The following CTDNEP1 variants were observed in gnomAD, a reference collection of about 807,000 sequenced individuals.
The protein encoded by CTDNEP1 is CTD nuclear envelope phosphatase 1, also known as C-terminal domain nuclear envelope phosphatase 1.
A neutral mutation model predicts 30.1 loss-of-function variants in CTDNEP1; 3 were observed. That is an observed-to-expected ratio of 0.10 (90% CI 0.05 to 0.26). The LOEUF is 0.26. CTDNEP1 is among the 10% of genes least tolerant of loss of function. The pLI is 1.00. For missense variants in CTDNEP1, 158 were observed against 310.4 expected, an observed-to-expected ratio of 0.51 and a Z score of 3.69; for synonymous variants, 123 against 118.8, an observed-to-expected ratio of 1.04 and a Z score of -0.23.
rs553385371 is a variant in CTDNEP1, at chr17:7,246,598, C to T, written c.360+193G>A. ...CAAGAACAAAAGAGAAAGATGCCAG[C>T]GGAAAAGAATTACATCAGCACAACA... On this transcript the variant is annotated intron_variant, in intron 4 of 7. Transcript: ENST00000574322. This position sits in a 1 kb window ranked among gnomAD's most constrained non-coding sequence, Gnocchi z 4.9. 31 of 665,706 alleles carry T rather than the reference C, an allele frequency of 4.7e-5. No individual in the cohort carries two copies. The highest frequency in any genetic ancestry group is 4.5e-4 in the East Asian group (18 of 39,874). 41.2% of individuals were successfully genotyped at this position (665,706 alleles called of 1,614,324 possible).
intron 1 of CTDNEP1, among the ~76,000 whole-genome samples, chr17:7,248,344 C>T (rs1364820268): frequency 7.2e-5 from 10 of 138,374 alleles, no homozygotes; most frequent in Admixed American, 6.6e-4. Flanking sequence ...AACCCAAGAA[C>T]GTGCCCTCTT....
rs375033484 is a variant in CTDNEP1, at chr17:7,246,184, C to T, written c.478-47G>A. On this transcript the variant is annotated intron_variant, in intron 5 of 7. Coordinates refer to ENST00000574322, the MANE Select transcript of CTDNEP1 (RefSeq NM_001143775.2). This position sits in a 1 kb window ranked among gnomAD's most constrained non-coding sequence, Gnocchi z 4.9. ...AGCAGGCCTCTCTCCAGGATACTCT[C>T]CTCAAACCCAGATCCCTCCCTGGTG... The T allele has an allele frequency of 6.3e-7, 1 of 1,585,804 alleles. No individual in the cohort carries two copies. Among genetic ancestry groups the T allele is most frequent in the East Asian group, 2.2e-5 (1 of 44,716 alleles).
chr17:7,246,398 G>A lies in CTDNEP1; in HGVS notation c.361-28C>T. 5 of 1,481,158 alleles carry A rather than the reference G, an allele frequency of 3.4e-6. No homozygotes were observed. The highest frequency in any genetic ancestry group is 4.7e-6 in the Non-Finnish European group (5 of 1,060,556). The allele number at this position is 1,481,158 out of a possible 1,614,324, so 91.8% of individuals were successfully genotyped here. On this transcript the variant is annotated intron_variant, in intron 4 of 7. Coordinates refer to ENST00000574322, the MANE Select transcript of CTDNEP1 (RefSeq NM_001143775.2). This position sits in a 1 kb window ranked among gnomAD's most constrained non-coding sequence, Gnocchi z 4.9. ...GAAATAGATTGGGGGAGAGGGCGATGCCATACAAGGTGATGATTCCTTTAG... is the reference window on the plus strand; with the variant it reads ...GAAATAGATTGGGGGAGAGGGCGATACCATACAAGGTGATGATTCCTTTAG...
intron 1 of CTDNEP1, among the ~76,000 whole-genome samples, chr17:7,250,576 C>T (rs1013583378): frequency 6.6e-6 from 1 of 152,174 alleles, no homozygotes; most frequent in Non-Finnish European, 1.5e-5. Context: ...TTAAAGAGGC[C>T]CATCGTAAAA....
At chr17:7,250,309 G>C (rs1404546601) in intron 1 of CTDNEP1, among the ~76,000 whole-genome samples, 1 of 152,140 alleles carries the variant, frequency 6.6e-6, no homozygotes, top group Non-Finnish European at 1.5e-5. Flanking sequence ...ATTCTCCCTG[G>C]TGGTGGTGAG....
Position 7,251,493 on chromosome 17 carries a change from G to T in CTDNEP1, c.-197C>A. ...AGCCCAGCGGAACGGGGAGCTGGGG[G>T]ACAGGCGTGGGCAGCCCGCGGGGGC... On this transcript the variant is annotated 5_prime_UTR_variant, in exon 1 of 8. Transcript: ENST00000574322. 2 of 410,640 alleles carry T rather than the reference G, an allele frequency of 4.9e-6. No homozygotes were observed. Among genetic ancestry groups the T allele is most frequent in the East Asian group, 4.1e-5 (1 of 24,640 alleles). The allele number at this position is 410,640 out of a possible 1,614,324, so 25.4% of individuals were successfully genotyped here.
chr17:7,243,977 CG>C lies in CTDNEP1; in HGVS notation c.*207del, dbSNP rs1188059998. 9 of 1,387,344 alleles carry C rather than the reference CG, an allele frequency of 6.5e-6. No homozygotes were observed. Among genetic ancestry groups the C allele is most frequent in the Non-Finnish European group, 8.4e-6 (9 of 1,069,214 alleles). 85.9% of individuals were successfully genotyped at this position (1,387,344 alleles called of 1,614,324 possible). On this transcript the variant is annotated 3_prime_UTR_variant, in exon 8 of 8. Coordinates refer to ENST00000574322, the MANE Select transcript of CTDNEP1 (RefSeq NM_001143775.2). Reference sequence around the variant, plus strand: ...CTGGGGTTTCCATGGAGTGTGAACACGAAGTTAAGAGTGAGGCTGCTTCAGA... The same window carrying C: ...CTGGGGTTTCCATGGAGTGTGAACACAAGTTAAGAGTGAGGCTGCTTCAGA...
In CTDNEP1 at chr17:7,244,168, T is replaced by C. The variant is rs2071809646; in HGVS notation, c.*17A>G. 6.2e-7 allele frequency: 1 copy of C among 1,613,044 alleles called. No individual in the cohort carries two copies. Among genetic ancestry groups the C allele is most frequent in the Non-Finnish European group, 8.5e-7 (1 of 1,179,524 alleles). On this transcript the variant is annotated 3_prime_UTR_variant, in exon 8 of 8. Coordinates refer to ENST00000574322, the MANE Select transcript of CTDNEP1 (RefSeq NM_001143775.2). ...CCTTTCCCCCCCACCCCAACTCAGG[T>C]GGAGGGGGAGCAGCTGTCACCAGAG...
chr17:7,244,806 C>T, intron 6 of CTDNEP1, 171 bp from the exon 7 acceptor site: 1 of 579,296 alleles, frequency 1.7e-6, no homozygotes, highest in Middle Eastern at 2.9e-4. Context: ...AAGTTTTAAT[C>T]ACCAGATCTC....
intron 1 of CTDNEP1, 68 bp downstream of exon 1, chr17:7,251,127 G>A (rs916863301): frequency 3.1e-5 from 35 of 1,136,520 alleles, no homozygotes; most frequent in Admixed American, 1.0e-4. Flanking sequence ...AAACCCCTGA[G>A]CACCACGGAC....
intron 6 of CTDNEP1, 90 bp from the exon 7 acceptor site, chr17:7,244,725 A>T: frequency 1.0e-6 from 1 of 976,258 alleles, no homozygotes; most frequent in East Asian, 2.6e-5. Flanking sequence ...AATTATTGTT[A>T]AAAATATATG....
rs149625473 is a variant in CTDNEP1, at chr17:7,246,611, C to T, written c.360+180G>A. The T allele has an allele frequency of 3.4e-5, 23 of 680,442 alleles. No individual in the cohort carries two copies. Among genetic ancestry groups the T allele is most frequent in the Non-Finnish European group, 6.0e-5 (23 of 381,556 alleles). The allele number at this position is 680,442 out of a possible 1,614,324, so 42.2% of individuals were successfully genotyped here. A position where few individuals can be genotyped will look rare whatever the true frequency, so the allele number is the denominator to read the frequency against. The stretch of plus-strand genomic sequence containing the variant: ...GAAAGATGCCAGCGGAAAAGAATTA[C>T]ATCAGCACAACAAATGAACCCCAAG... On this transcript the variant is annotated intron_variant, in intron 4 of 7. Transcript: ENST00000574322. This position sits in a 1 kb window ranked among gnomAD's most constrained non-coding sequence, Gnocchi z 4.9.
chr17:7,248,808 C>T (rs182349663), intron 1 of CTDNEP1, among the ~76,000 whole-genome samples: 59 of 152,240 alleles, frequency 3.9e-4, no homozygotes, highest in Middle Eastern at 6.8e-3. Context: ...GAGTAGGAGT[C>T]GGGAGGAGAT....
chr17:7,246,369 A>G lies in CTDNEP1; in HGVS notation c.362T>C (p.Val121Ala). 1 of 1,607,524 alleles carries G rather than the reference A, an allele frequency of 6.2e-7. No individual in the cohort carries two copies. Among genetic ancestry groups the G allele is most frequent in the Non-Finnish European group, 8.5e-7 (1 of 1,174,746 alleles). The part of the protein sequence containing the change: ...RPHVDFFLEV[V>A]SQWYELVVFT... Reference sequence around the variant, plus strand: ...CACCACCAGCTCGTACCACTGGCTCACCTGAAATAGATTGGGGGAGAGGGC... The same window carrying G: ...CACCACCAGCTCGTACCACTGGCTCGCCTGAAATAGATTGGGGGAGAGGGC... The change falls in exon 5 of 8, where the codon GTG becomes GCG. Residue 121 changes from valine (V) to alanine (A), a missense_variant and splice_region_variant. Coordinates refer to ENST00000574322, the MANE Select transcript of CTDNEP1 (RefSeq NM_001143775.2). This position sits in a 1 kb window ranked among gnomAD's most constrained non-coding sequence, Gnocchi z 4.9.
At chr17:7,250,217 G>A (rs1389178537) in intron 1 of CTDNEP1, among the ~76,000 whole-genome samples, 2 of 152,160 alleles carry the variant, frequency 1.3e-5, no homozygotes, top group Admixed American at 1.3e-4. Context: ...TTGTATTGAG[G>A]TATGCTAAGG....
At position 7,244,368 on chromosome 17, in the gene CTDNEP1, G is replaced by A; in HGVS notation, c.675-123C>T. ...TATCACCATATTCATGATTAGATAG[G>A]TTCAATTTGCCCACAGCCTACTAGC... On this transcript the variant is annotated intron_variant, in intron 7 of 7. Coordinates refer to ENST00000574322, the MANE Select transcript of CTDNEP1 (RefSeq NM_001143775.2). 2.4e-6 allele frequency: 3 copies of A among 1,259,820 alleles called. No individual in the cohort carries two copies. The South Asian group carries it at 3.8e-5, about 16-fold the overall frequency. The allele number at this position is 1,259,820 out of a possible 1,614,324, so 78.0% of individuals were successfully genotyped here.
At chr17:7,250,262 C>T (rs767572472) in intron 1 of CTDNEP1, among the ~76,000 whole-genome samples, 6 of 152,216 alleles carry the variant, frequency 3.9e-5, no homozygotes, top group Non-Finnish European at 5.9e-5. Context: ...GAACCTGTGT[C>T]TCCGCTTACT....
Position 7,246,016 on chromosome 17 carries a change from TC to T in CTDNEP1, c.589+9del. The T allele has an allele frequency of 2.5e-6, 4 of 1,587,120 alleles. No homozygotes were observed. Among genetic ancestry groups the T allele is most frequent in the Non-Finnish European group, 3.5e-6 (4 of 1,156,256 alleles). Reference sequence around the variant, plus strand: ...TCTGGTCCTGCCAGACTCACCACCTTCCCCCGTACCTGGATGGCTCCTGTAA... The same window carrying T: ...TCTGGTCCTGCCAGACTCACCACCTTCCCCGTACCTGGATGGCTCCTGTAA... On this transcript the variant is annotated intron_variant, in intron 6 of 7. Coordinates refer to ENST00000574322, the MANE Select transcript of CTDNEP1 (RefSeq NM_001143775.2). This position sits in a 1 kb window ranked among gnomAD's most constrained non-coding sequence, Gnocchi z 4.9.
rs2071852016 is a variant in CTDNEP1 at position 7,247,280 on chromosome 17, G to C, written c.166C>G (p.Leu56Val). The change falls in exon 2 of 8, where the codon CTA becomes GTA. Residue 56 changes from leucine to valine, a missense_variant. Physicochemically the swap from Leu to Val is conservative, Grantham distance 32. Around this residue, in one of 2 missense-constraint regions of CTDNEP1, gnomAD observed 62 missense variants for 81.4 expected, o/e 0.76. Coordinates refer to ENST00000574322, the MANE Select transcript of CTDNEP1 (RefSeq NM_001143775.2). ...AGGCTTCCCACCACATACTTACCTA[G>C]CCGATTCCGGGACACAGGAGATAAG... ...LPLSPVSRNR[L>V]AQVKRKILVL... 1.9e-6 allele frequency: 3 copies of C among 1,613,820 alleles called. No homozygotes were observed. The highest frequency in any genetic ancestry group is 2.5e-6 in the Non-Finnish European group (3 of 1,179,958).
Sources: gnomAD v4.1 joint callset for allele counts (sites outside exome capture counted in the v4.1 genomes callset) on GRCh38, gnomAD v4.1.1 for gene constraint, gnomAD v4.1.1 regional missense constraint, Gnocchi (gnomAD v3.1) non-coding constraint, MANE v1.5 for transcripts, NCBI Gene and HGNC (gene_info 2026-07-23, HGNC 2026-07-21) for gene names.